PLEKHA7: variants seen among roughly 807,000 people sequenced by gnomAD.
The protein encoded by PLEKHA7 is pleckstrin homology domain containing A7, also known as pleckstrin homology domain-containing family A member 7.
A neutral mutation model predicts 170.0 loss-of-function variants in PLEKHA7; 104 were observed. The observed-to-expected ratio is 0.61, with a 90% confidence interval of 0.52 to 0.72. The LOEUF (loss-of-function observed/expected upper bound fraction) is 0.72, where lower values mean the gene tolerates loss of function less well. Ranked by LOEUF, PLEKHA7 falls within the 30% of genes least tolerant of loss-of-function variation. The probability of loss-of-function intolerance (pLI) is 0.00; values close to 1 mark genes in which losing one functional copy is unlikely to be tolerated. For missense variants in PLEKHA7, 1,615 were observed against 1,671.7 expected, an observed-to-expected ratio of 0.97 and a Z score of 0.59; for synonymous variants, 648 against 660.8, an observed-to-expected ratio of 0.98 and a Z score of 0.30.
chr11:16,981,810 T>A (rs1315771841), intron 3 of PLEKHA7, among the ~76,000 whole-genome samples: 1 of 152,140 alleles, frequency 6.6e-6, no homozygotes, highest in Non-Finnish European at 1.5e-5. Context: ...GAGCCACCAT[T>A]GTCTCCGTCT....
chr11:16,979,100 C>T (rs1468688557), intron 3 of PLEKHA7, among the ~76,000 whole-genome samples: 4 of 152,170 alleles, frequency 2.6e-5, no homozygotes, highest in African/African-American at 4.8e-5. Flanking sequence ...CGCAGTGGCA[C>T]GATCTTGGCT....
Position 16,841,613 on chromosome 11 carries a change from T to G in PLEKHA7, c.806A>C (p.Asp269Ala), listed in dbSNP as rs1238653968. 6.2e-7 allele frequency: 1 copy of G among 1,614,082 alleles called. No individual in the cohort carries two copies. The highest frequency in any genetic ancestry group is 1.1e-5 in the South Asian group (1 of 91,070). Residue 269 changes from aspartate to alanine, a missense_variant, in exon 9 of 27, where the codon GAC becomes GCC. Asp to Ala is a moderately radical substitution (Grantham distance 126, BLOSUM62 -2). Coordinates refer to ENST00000531066, the MANE Select transcript of PLEKHA7 (RefSeq NM_001329630.2). ...CATGGCCCTGACCCAAGCGTTCATG[T>G]CCTCCTGGGTGTCGGCACTGAAGTA... ...TYYFSADTQE[D>A]MNAWVRAMNQ...
chr11:16,976,325 A>T (rs929291004), intron 3 of PLEKHA7, among the ~76,000 whole-genome samples: 3 of 152,228 alleles, frequency 2.0e-5, no homozygotes, highest in Non-Finnish European at 4.4e-5. Context: ...AGAAGAAGGG[A>T]GAGTGCTCCT....
intron 3 of PLEKHA7, among the ~76,000 whole-genome samples, chr11:16,957,697 C>CTTTTTTTTTTCTT (rs58942054): frequency 2.3e-5 from 2 of 87,296 alleles, no homozygotes; most frequent in African/African-American, 1.0e-4. Context: ...TAATTTTTTT[C>CTTTTTTTTTTCTT]TTTTTTTTTT....
Position 16,855,918 on chromosome 11 carries a change from T to C in PLEKHA7, c.306-4A>G. The C allele has an allele frequency of 6.2e-7, 1 of 1,609,548 alleles. No homozygotes were observed. Among genetic ancestry groups the C allele is most frequent in the Non-Finnish European group, 8.5e-7 (1 of 1,175,970 alleles). ...CTTCGACATATGTGGATTCGGCCTGTGAGGAGACAGGGGATTCCAGTGAGT... is the reference window on the plus strand; with the variant it reads ...CTTCGACATATGTGGATTCGGCCTGCGAGGAGACAGGGGATTCCAGTGAGT... On this transcript the variant is annotated splice_polypyrimidine_tract_variant and splice_region_variant and intron_variant, in intron 4 of 26. Coordinates refer to ENST00000531066, the MANE Select transcript of PLEKHA7 (RefSeq NM_001329630.2).
At chr11:16,936,401 CAAAAAAAAAAAA>C (rs57104068) in intron 3 of PLEKHA7, among the ~76,000 whole-genome samples, 11 of 68,150 alleles carry the variant, frequency 1.6e-4, no homozygotes, top group African/African-American at 2.7e-4. Context: ...GACTCTGTCT[CAAAAAAAAAAAA>C]AAAAAAAAAA....
chr11:16,949,557 T>TA (rs1301431909), intron 3 of PLEKHA7, among the ~76,000 whole-genome samples: 3 of 152,202 alleles, frequency 2.0e-5, no homozygotes, highest in Non-Finnish European at 2.9e-5. Flanking sequence ...GGATCACACT[T>TA]AGAGAACACT....
rs1286541215 is a variant in PLEKHA7, at chr11:16,801,394, C to A, written c.2307+274G>T. Reference sequence around the variant, plus strand: ...ATTAACTGCACACAGATCAGGGGAACAGCCTTGCAGGCAGCTCTGAAGAAT... The same window carrying A: ...ATTAACTGCACACAGATCAGGGGAAAAGCCTTGCAGGCAGCTCTGAAGAAT... On this transcript the variant is annotated intron_variant, in intron 16 of 26. Transcript: ENST00000531066. Among the ~76,000 whole-genome samples the A allele has an allele frequency of 7.2e-5, 11 of 152,368 alleles. No individual in the cohort carries two copies. The East Asian group carries it at 1.2e-3, about 16-fold the overall frequency.
At chr11:16,855,656 C>T in intron 5 of PLEKHA7, 147 bp downstream of exon 5, 1 of 660,450 alleles carries the variant, frequency 1.5e-6, no homozygotes. Flanking sequence ...CTCTTGGCCT[C>T]AGTTTCCTGA....
intron 3 of PLEKHA7, among the ~76,000 whole-genome samples, chr11:16,890,565 T>C (rs573235566): frequency 2.0e-4 from 31 of 152,356 alleles, no homozygotes; most frequent in African/African-American, 7.0e-4. Context: ...TATTTTATCA[T>C]AGATGGTAAC....
chr11:16,877,476 T>G (rs1855389739), intron 3 of PLEKHA7, among the ~76,000 whole-genome samples: 2 of 152,270 alleles, frequency 1.3e-5, no homozygotes, highest in Admixed American at 1.3e-4. Flanking sequence ...TCCTTGTGAC[T>G]AATTTTACTT....
At chr11:16,907,452 G>A (rs1857886050) in intron 3 of PLEKHA7, among the ~76,000 whole-genome samples, 1 of 119,430 alleles carries the variant, frequency 8.4e-6, no homozygotes, top group Non-Finnish European at 1.9e-5. Context: ...CTGCCTGGCC[G>A]CCCCTACTGG....
intron 3 of PLEKHA7, among the ~76,000 whole-genome samples, chr11:16,963,981 T>C (rs1319716087): frequency 1.3e-5 from 2 of 152,198 alleles, no homozygotes; most frequent in East Asian, 3.8e-4. Flanking sequence ...ATTTCTCCCT[T>C]CCCTCAGGCC....
At chr11:16,904,899 C>T (rs998102037) in intron 3 of PLEKHA7, among the ~76,000 whole-genome samples, 1 of 152,168 alleles carries the variant, frequency 6.6e-6, no homozygotes, top group Non-Finnish European at 1.5e-5. Context: ...TGTAAAAAGA[C>T]TTCTCACTAC....
chr11:16,835,400 C>A (rs1851436240), intron 9 of PLEKHA7, among the ~76,000 whole-genome samples: 1 of 152,170 alleles, frequency 6.6e-6, no homozygotes, highest in African/African-American at 2.4e-5. Flanking sequence ...GGACCCTGAA[C>A]TGTTGAACAA....
At chr11:16,898,479 C>T (rs1221950185) in intron 3 of PLEKHA7, among the ~76,000 whole-genome samples, 2 of 152,158 alleles carry the variant, frequency 1.3e-5, no homozygotes, top group African/African-American at 4.8e-5. Context: ...AGTTACTTAA[C>T]CTCTCTGAGA....
At chr11:16,822,778 TG>T (rs964907653) in intron 10 of PLEKHA7, among the ~76,000 whole-genome samples, 2 of 152,142 alleles carry the variant, frequency 1.3e-5, no homozygotes, top group African/African-American at 4.8e-5. Context: ...ATTAGATCAC[TG>T]GGGGAAGAGG....
In PLEKHA7 at chr11:16,891,070, C is replaced by CTCTATTCTAT. The variant is rs147769098; in HGVS notation, c.222-19898_222-19889dup. On this transcript the variant is annotated intron_variant, in intron 3 of 26. Transcript: ENST00000531066. ...AGTGCCACCATGCTAGACTATTATT[C>CTCTATTCTAT]TCTATTCTATTCTATTCTATTCTTT... Among the ~76,000 whole-genome samples the CTCTATTCTAT allele has an allele frequency of 7.5e-3, 1,119 of 149,900 alleles. 8 individuals carry two copies. Among genetic ancestry groups the CTCTATTCTAT allele is most frequent in the African/African-American group, 0.018 (742 of 40,748 alleles).
Position 16,817,504 on chromosome 11 carries a change from A to C in PLEKHA7, c.1344-182T>G. ...TTCCCCTTTTGGCAGACGACTCCAA[A>C]ACCATTTTTCTCTGTCAACTTCCTC... On this transcript the variant is annotated intron_variant, in intron 10 of 26. Coordinates refer to ENST00000531066, the MANE Select transcript of PLEKHA7 (RefSeq NM_001329630.2). The surrounding 1 kb of genome is among the most constrained non-coding windows in gnomAD (Gnocchi z 4.4). 1 of 569,200 alleles carries C rather than the reference A, an allele frequency of 1.8e-6. No homozygotes were observed. The highest frequency in any genetic ancestry group is 2.9e-6 in the Non-Finnish European group (1 of 343,424). The allele number at this position is 569,200 out of a possible 1,614,324, so 35.3% of individuals were successfully genotyped here.
Sources: gnomAD v4.1 joint callset for allele counts (sites outside exome capture counted in the v4.1 genomes callset) on GRCh38, gnomAD v4.1.1 for gene constraint, Gnocchi (gnomAD v3.1) non-coding constraint, MANE v1.5 for transcripts, NCBI Gene and HGNC (gene_info 2026-07-23, HGNC 2026-07-21) for gene names.